The following CEMIP variants were observed in gnomAD, a reference collection of about 807,000 sequenced individuals.
CEMIP encodes the protein cell migration inducing hyaluronidase 1.
CEMIP carries 105 observed loss-of-function variants against 156.9 expected under a neutral mutation model. The observed-to-expected ratio is 0.67, with a 90% confidence interval of 0.57 to 0.79. The LOEUF is 0.79. Ranked by LOEUF, CEMIP falls within the 30% of genes least tolerant of loss-of-function variation. The probability of loss-of-function intolerance (pLI) is 0.00; values close to 1 mark genes in which losing one functional copy is unlikely to be tolerated. For missense variants in CEMIP, 1,457 were observed against 1,769.4 expected, an observed-to-expected ratio of 0.82 and a Z score of 3.17; for synonymous variants, 676 against 668.4, an observed-to-expected ratio of 1.01 and a Z score of -0.17.
At chr15:80,874,029 C>A in intron 3 of CEMIP, 56 bp downstream of exon 3, 1 of 1,483,334 alleles carries the variant, frequency 6.7e-7, no homozygotes, top group Non-Finnish European at 9.2e-7. Context: ...CACGGCCCCT[C>A]ACTGGAGCAA....
intron 3 of CEMIP, among the ~76,000 whole-genome samples, chr15:80,875,452 A>G (rs576235305): frequency 6.6e-6 from 1 of 152,040 alleles, no homozygotes; most frequent in Non-Finnish European, 1.5e-5. Context: ...CTCTGCCAGG[A>G]ACTGGGTTTG....
rs1200006400 is a variant in CEMIP at position 80,884,214 on chromosome 15, G to A, written c.657G>A (p.Leu219=). The change falls in exon 7 of 30, where the codon CTG becomes CTA. Residue 219 remains leucine (L), a synonymous_variant. Coordinates refer to ENST00000394685, the MANE Select transcript of CEMIP (RefSeq NM_001293298.2). ...GATCCAAGAAAGAGAGTGAACGTCT[G>A]GTCCAGTATTTGAACGCGGTGCCCG... The part of the protein sequence containing the change: ...TYRSKKESER[L]VQYLNAVPDG... 1.2e-6 allele frequency: 2 copies of A among 1,614,146 alleles called. No individual in the cohort carries two copies. Among genetic ancestry groups the A allele is most frequent in the Admixed American group, 1.7e-5 (1 of 60,016 alleles).
chr15:80,781,536 C>T (rs1177433571), intron 1 of CEMIP, among the ~76,000 whole-genome samples: 1 of 152,138 alleles, frequency 6.6e-6, no homozygotes, highest in African/African-American at 2.4e-5. Flanking sequence ...CTCTTTTTGT[C>T]ATTTCCACCC....
chr15:80,905,823 A>C (rs1899777206), intron 12 of CEMIP, among the ~76,000 whole-genome samples: 1 of 152,156 alleles, frequency 6.6e-6, no homozygotes, highest in African/African-American at 2.4e-5. Context: ...ACTGGGGGTC[A>C]GTGCACAAGT....
intron 1 of CEMIP, among the ~76,000 whole-genome samples, chr15:80,855,690 T>G (rs935773489): frequency 2.0e-5 from 3 of 152,038 alleles, no homozygotes; most frequent in Non-Finnish European, 4.4e-5. Flanking sequence ...ACTTGGCTAA[T>G]TTTTGCGTTT....
At position 80,906,766 on chromosome 15, in the gene CEMIP, G is replaced by A. The variant is rs777718916; in HGVS notation, c.1515G>A (p.Glu505=). The part of the protein sequence containing the change: ...SRNIIVMGEM[E]DKCYPYRNHI... ...ACATCATAGTGATGGGGGAGATGGA[G>A]GACAAATGCTACCCCTACAGAAACC... The change falls in exon 13 of 30, where the codon GAG becomes GAA. Residue 505 remains glutamate, a synonymous_variant. Coordinates refer to ENST00000394685, the MANE Select transcript of CEMIP (RefSeq NM_001293298.2). The surrounding 1 kb of genome is among the most constrained non-coding windows in gnomAD (Gnocchi z 4.3). 3 of 1,614,184 alleles carry A rather than the reference G, an allele frequency of 1.9e-6. No individual in the cohort carries two copies. The highest frequency in any genetic ancestry group is 1.7e-6 in the Non-Finnish European group (2 of 1,180,030).
chr15:80,850,958 G>A (rs1428996107), intron 1 of CEMIP, among the ~76,000 whole-genome samples: 1 of 152,236 alleles, frequency 6.6e-6, no homozygotes, highest in Admixed American at 6.5e-5. Flanking sequence ...CAGGGCAGCT[G>A]ATGGGGCTGC....
chr15:80,894,094 T>A (rs114154333), intron 10 of CEMIP, among the ~76,000 whole-genome samples: 2,907 of 152,280 alleles, frequency 0.019, 99 homozygotes, highest in African/African-American at 0.067. Context: ...CCTCATCCAC[T>A]GAGACCTCAC....
At chr15:80,848,172 G>C (rs367959999) in intron 1 of CEMIP, among the ~76,000 whole-genome samples, 10 of 152,326 alleles carry the variant, frequency 6.6e-5, no homozygotes, top group African/African-American at 2.4e-4. Flanking sequence ...CCCTGCAGGA[G>C]ACTGAGGTCT....
At chr15:80,914,579 T>G (rs1900193494) in intron 14 of CEMIP, among the ~76,000 whole-genome samples, 1 of 152,122 alleles carries the variant, frequency 6.6e-6, no homozygotes, top group Non-Finnish European at 1.5e-5. Flanking sequence ...CTGAGCCCCC[T>G]GTGTCTTTGG....
At chr15:80,784,072 C>G (rs777935450) in intron 1 of CEMIP, among the ~76,000 whole-genome samples, 2 of 152,184 alleles carry the variant, frequency 1.3e-5, no homozygotes, top group Non-Finnish European at 2.9e-5. Context: ...GGCACCTGCT[C>G]AGAGCAAGGA....
chr15:80,893,575 G>A (rs1899110197), intron 10 of CEMIP, among the ~76,000 whole-genome samples: 1 of 152,178 alleles, frequency 6.6e-6, no homozygotes, highest in South Asian at 2.1e-4. Flanking sequence ...GGCCCGAGGA[G>A]CTGGGCTTAC....
intron 1 of CEMIP, among the ~76,000 whole-genome samples, chr15:80,848,834 G>A (rs1269652125): frequency 6.7e-6 from 1 of 148,502 alleles, no homozygotes; most frequent in Non-Finnish European, 1.5e-5. Context: ...AATCTTTTCT[G>A]CACTCCCAGA....
intron 27 of CEMIP, 55 bp from the exon 28 acceptor site, chr15:80,942,890 A>G: frequency 6.2e-7 from 1 of 1,608,812 alleles, no homozygotes; most frequent in Admixed American, 1.7e-5. Context: ...CCTGGGCAGG[A>G]GAACCATGGG....
intron 1 of CEMIP, among the ~76,000 whole-genome samples, chr15:80,866,218 A>G (rs978814891): frequency 6.6e-6 from 1 of 152,170 alleles, no homozygotes; most frequent in African/African-American, 2.4e-5. Flanking sequence ...AGGGAACTGT[A>G]GCATCTCTCC....
chr15:80,918,012 C>T (rs114647995), intron 14 of CEMIP, among the ~76,000 whole-genome samples: 2,778 of 152,274 alleles, frequency 0.018, 91 homozygotes, highest in African/African-American at 0.064. Context: ...CAGTGGCTCA[C>T]GCCTGTAATC....
At chr15:80,914,246 T>C (rs1055866320) in intron 14 of CEMIP, among the ~76,000 whole-genome samples, 2 of 152,254 alleles carry the variant, frequency 1.3e-5, no homozygotes, top group African/African-American at 4.8e-5. Flanking sequence ...CCAGTACTTT[T>C]GTGGAAGGAC....
chr15:80,945,324 C>T (rs1239048880), intron 28 of CEMIP, among the ~76,000 whole-genome samples: 1 of 152,208 alleles, frequency 6.6e-6, no homozygotes, highest in Non-Finnish European at 1.5e-5. Flanking sequence ...CTCTCTGTCC[C>T]GCTCCTGTGA....
At chr15:80,799,997 C>T (rs1332871708) in intron 1 of CEMIP, among the ~76,000 whole-genome samples, 1 of 144,352 alleles carries the variant, frequency 6.9e-6, no homozygotes, top group Admixed American at 7.2e-5. Context: ...ACTACAGGCA[C>T]ATAACACCAT....
Sources: allele counts gnomAD v4.1 joint callset (sites outside exome capture counted in the v4.1 genomes callset), GRCh38; gene constraint gnomAD v4.1.1; non-coding constraint Gnocchi (gnomAD v3.1); transcripts MANE v1.5; gene names NCBI Gene and HGNC (gene_info 2026-07-23, HGNC 2026-07-21).